Variants in KIFAP3 observed in about 807,000 individuals in gnomAD.
KIFAP3 encodes the protein kinesin associated protein 3.
Under a neutral mutation model 106.5 loss-of-function variants are expected in KIFAP3, and 68 were observed. The ratio of observed to expected loss-of-function variants is 0.64; its 90% confidence interval spans 0.53 to 0.78. KIFAP3 has a LOEUF of 0.78. Among genes scored for constraint, KIFAP3 ranks in the 30% least tolerant of loss-of-function variants. KIFAP3 has a pLI of 0.00. For missense variants in KIFAP3, 780 were observed against 941.8 expected, an observed-to-expected ratio of 0.83 and a Z score of 2.25; for synonymous variants, 320 against 311.5, an observed-to-expected ratio of 1.03 and a Z score of -0.29.
chr1:170,057,750 A>T (rs1670924822), intron 1 of KIFAP3, among the ~76,000 whole-genome samples: 1 of 152,072 alleles, frequency 6.6e-6, no homozygotes, highest in African/African-American at 2.4e-5. Flanking sequence ...TTCTACTTGA[A>T]TTCCATTAAT....
At chr1:170,002,101 T>G (rs1289391037) in intron 10 of KIFAP3, among the ~76,000 whole-genome samples, 1 of 152,158 alleles carries the variant, frequency 6.6e-6, no homozygotes, top group Non-Finnish European at 1.5e-5. Context: ...TCTGCTCTGG[T>G]GATCTCCAAA....
At chr1:170,022,511 A>C (rs775436764) in intron 9 of KIFAP3, among the ~76,000 whole-genome samples, 14 of 152,092 alleles carry the variant, frequency 9.2e-5, no homozygotes, top group Admixed American at 9.2e-4. Context: ...TAGATACTCT[A>C]ATTTGCTTCC....
At position 170,080,009 on chromosome 1, in the gene KIFAP3, G is replaced by A. The variant is rs1671995703; in HGVS notation, n.174+5026C>T. On this transcript the variant is annotated intron_variant and non_coding_transcript_variant, in intron 1 of 5. Coordinates refer to the KIFAP3 transcript ENST00000490550. ...TGGTGTTTGAAAAACCATATAGATT[G>A]GAAAGGAAAAGTAAAACTATTTTGA... is the stretch of plus-strand genomic sequence containing the variant. Among the ~76,000 whole-genome samples the A allele has an allele frequency of 2.0e-5, 3 of 151,642 alleles. No individual in the cohort carries two copies. In the South Asian group the frequency reaches 6.3e-4, roughly 32 times the overall value.
chr1:169,998,098 T>A (rs566629875), intron 10 of KIFAP3, among the ~76,000 whole-genome samples: 1 of 151,310 alleles, frequency 6.6e-6, no homozygotes, highest in South Asian at 2.1e-4. Context: ...TCCACACACA[T>A]TCAGAAATCT....
At chr1:170,083,282 A>T (rs1672048479) in intron 1 of KIFAP3, among the ~76,000 whole-genome samples, 1 of 152,248 alleles carries the variant, frequency 6.6e-6, no homozygotes, top group Admixed American at 6.5e-5. Flanking sequence ...CTCAGAAGCC[A>T]TCATCAGTTA....
At chr1:170,011,816 T>TGAGA (rs928885120) in intron 10 of KIFAP3, among the ~76,000 whole-genome samples, 2 of 152,114 alleles carry the variant, frequency 1.3e-5, no homozygotes, top group African/African-American at 4.8e-5. Flanking sequence ...ATTACTCAAT[T>TGAGA]GAGAAGTTTA....
chr1:169,971,706 G>A (rs570135751), intron 17 of KIFAP3, among the ~76,000 whole-genome samples: 13 of 152,060 alleles, frequency 8.5e-5, no homozygotes, highest in African/African-American at 2.9e-4. Context: ...AAAAAAAAAT[G>A]TTATTCTGAT....
chr1:170,027,081 G>A (rs534058163), intron 8 of KIFAP3, among the ~76,000 whole-genome samples: 3 of 134,758 alleles, frequency 2.2e-5, no homozygotes, highest in Non-Finnish European at 3.0e-5. Context: ...AATGCAATGC[G>A]TGACCTTGGC....
At position 170,043,484 on chromosome 1, in the gene KIFAP3, A is replaced by G. The variant is rs538800025; in HGVS notation, c.319+3228T>C. ...AGATGAAGCAGCTAATGTGGTTTGT[A>G]TGCAAGCCATATGGGACTGGCATTA... On this transcript the variant is annotated intron_variant, in intron 3 of 19. Coordinates refer to ENST00000361580, the MANE Select transcript of KIFAP3 (RefSeq NM_014970.4). Among the ~76,000 whole-genome samples, 251 of 152,282 alleles carry G rather than the reference A, an allele frequency of 1.6e-3. 2 individuals carry two copies. The highest frequency in any genetic ancestry group is 1.9e-3 in the Non-Finnish European group (132 of 68,024).
At position 169,921,410 on chromosome 1, in the gene KIFAP3, T is replaced by A; in HGVS notation, c.*266A>T. 3.5e-6 allele frequency: 1 copy of A among 282,708 alleles called. No homozygotes were observed. The highest frequency in any genetic ancestry group is 6.7e-6 in the Non-Finnish European group (1 of 149,514). 17.5% of individuals were successfully genotyped at this position (282,708 alleles called of 1,614,324 possible). A position where few individuals can be genotyped will look rare whatever the true frequency, so the allele number is the denominator to read the frequency against. ...ATGCAGTGTTTGTTTTCCAGTCTAG[T>A]AGCTTTTCAGCATTCAGTTTTGTGG... is the stretch of plus-strand genomic sequence containing the variant. On this transcript the variant is annotated 3_prime_UTR_variant, in exon 20 of 20. Transcript: ENST00000361580.
chr1:170,071,906 T>C (rs1324506574), intron 1 of KIFAP3, among the ~76,000 whole-genome samples: 3 of 152,216 alleles, frequency 2.0e-5, no homozygotes, highest in Non-Finnish European at 2.9e-5. Flanking sequence ...TGATATACCA[T>C]GTGAGAAATG....
At chr1:169,977,751 G>A (rs545287) in intron 16 of KIFAP3, among the ~76,000 whole-genome samples, 141,161 of 152,018 alleles carry the variant, frequency 0.93, 65,583 homozygotes, top group East Asian at 1. Context: ...TTCCCAAGTA[G>A]GGTAAATAAG....
At chr1:170,020,409 A>G (rs1668748733) in intron 9 of KIFAP3, among the ~76,000 whole-genome samples, 1 of 152,170 alleles carries the variant, frequency 6.6e-6, no homozygotes, top group Admixed American at 6.5e-5. Flanking sequence ...GATTAATGGA[A>G]CAGAAACCAG....
At chr1:169,994,552 T>C (rs1477096812) in intron 10 of KIFAP3, among the ~76,000 whole-genome samples, 1 of 152,102 alleles carries the variant, frequency 6.6e-6, no homozygotes, top group Non-Finnish European at 1.5e-5. Context: ...GAACAACTCC[T>C]TGGGATAAGA....
intron 19 of KIFAP3, among the ~76,000 whole-genome samples, chr1:169,928,103 CT>C (rs59128071): frequency 6.7e-6 from 1 of 148,764 alleles, no homozygotes. Flanking sequence ...TATCTTTTCT[CT>C]TTTTTTTTTC....
chr1:169,984,780 T>C, intron 11 of KIFAP3, 90 bp from the exon 12 acceptor site: 2 of 659,178 alleles, frequency 3.0e-6, no homozygotes, highest in Admixed American at 2.5e-5. Context: ...TGTGTTATCT[T>C]AGATTGTACA....
chr1:169,961,635 C>T (rs990954095), intron 17 of KIFAP3, among the ~76,000 whole-genome samples: 1 of 152,132 alleles, frequency 6.6e-6, no homozygotes, highest in South Asian at 2.1e-4. Context: ...TTTTGTTCCA[C>T]CTCTGCCACC....
intron 3 of KIFAP3, among the ~76,000 whole-genome samples, chr1:170,043,847 C>G (rs945413170): frequency 6.6e-6 from 1 of 151,972 alleles, no homozygotes; most frequent in Middle Eastern, 3.2e-3. Flanking sequence ...GAAATAAAGG[C>G]CTTAATTGCT....
At chr1:169,949,189 T>C (rs2101832253) in intron 19 of KIFAP3, among the ~76,000 whole-genome samples, 1 of 151,954 alleles carries the variant, frequency 6.6e-6, no homozygotes, top group South Asian at 2.1e-4. Flanking sequence ...ATATGTAATA[T>C]ATAATACATA....
Sources: allele counts gnomAD v4.1 joint callset (sites outside exome capture counted in the v4.1 genomes callset), GRCh38; gene constraint gnomAD v4.1.1; transcripts MANE v1.5; gene names NCBI Gene and HGNC (gene_info 2026-07-23, HGNC 2026-07-21).